The following RIC1 variants were observed in gnomAD, a reference collection of about 807,000 sequenced individuals.
RIC1 encodes the protein RIC1 partner of RAB6A GEF complex.
Under a neutral mutation model 169.0 loss-of-function variants are expected in RIC1, and 88 were observed. The ratio of observed to expected loss-of-function variants is 0.52; its 90% CI spans 0.44 to 0.62. The LOEUF is 0.62. Among genes scored for constraint, RIC1 ranks in the 20% least tolerant of loss-of-function variants. The pLI is 0.00. For missense variants in RIC1, 1,877 were observed against 1,725.5 expected, an observed-to-expected ratio of 1.09 and a Z score of -1.56; for synonymous variants, 790 against 601.5, an observed-to-expected ratio of 1.31 and a Z score of -4.59.
chr9:5,645,530 G>A lies in RIC1; in HGVS notation c.145-11053G>A, dbSNP rs138111471. Reference sequence around the variant, plus strand: ...TTTCATTTTCCCAAACTGAAGCTTCGTACCCTGTAAATGGTAATTCCTGGT... The same window carrying A: ...TTTCATTTTCCCAAACTGAAGCTTCATACCCTGTAAATGGTAATTCCTGGT... On this transcript the variant is annotated intron_variant, in intron 1 of 25. Coordinates refer to ENST00000414202, the MANE Select transcript of RIC1 (RefSeq NM_020829.4). 5.3e-5 allele frequency among the ~76,000 whole-genome samples: 8 copies of A among 152,176 alleles called. No homozygotes were observed. The East Asian group carries it at 1.2e-3, about 22-fold the overall frequency.
chr9:5,766,626 C>T (rs1421907554), intron 21 of RIC1, among the ~76,000 whole-genome samples: 1 of 152,192 alleles, frequency 6.6e-6, no homozygotes, highest in Non-Finnish European at 1.5e-5. Context: ...AGTTACTTCA[C>T]TTAGAATAAT....
intron 2 of RIC1, among the ~76,000 whole-genome samples, chr9:5,659,731 C>T (rs747564243): frequency 5.3e-5 from 8 of 152,130 alleles, no homozygotes; most frequent in Non-Finnish European, 1.0e-4. Context: ...TTTCCTGCTT[C>T]ATTAAATTTA....
chr9:5,680,875 G>T (rs1261811657), intron 2 of RIC1, among the ~76,000 whole-genome samples: 1 of 127,678 alleles, frequency 7.8e-6, no homozygotes, highest in African/African-American at 2.9e-5. Context: ...CGCCCAGGCT[G>T]GAGTGCAGTG....
chr9:5,740,031 G>A (rs1268694088), intron 8 of RIC1, among the ~76,000 whole-genome samples: 1 of 152,192 alleles, frequency 6.6e-6, no homozygotes, highest in Non-Finnish European at 1.5e-5. Context: ...AATCTTAGCA[G>A]TTTTGAGGCT....
chr9:5,670,099 C>G (rs1272801793), intron 2 of RIC1, among the ~76,000 whole-genome samples: 2 of 152,180 alleles, frequency 1.3e-5, no homozygotes, highest in African/African-American at 2.4e-5. Flanking sequence ...GTGCATCTCA[C>G]AAATACAGGA....
chr9:5,634,651 C>G (rs80229351), intron 1 of RIC1, among the ~76,000 whole-genome samples: 4,549 of 152,216 alleles, frequency 0.03, 236 homozygotes, highest in African/African-American at 0.1. Context: ...CAGATATTTT[C>G]TCCTATTCCA....
In RIC1 at chr9:5,753,560, C is replaced by G; in HGVS notation, c.1516C>G (p.Gln506Glu). ...IRFSAIDKLG[Q>E]NIAVVGKFGF... The stretch of plus-strand genomic sequence containing the variant: ...GTTTTCAGCTATTGATAAGCTTGGA[C>G]AGAATATTGCTGTGGTTGGCAAGTT... Residue 506 changes from glutamine (Q) to glutamate (E), a missense_variant, in exon 14 of 26, where the codon CAG (glutamine) becomes GAG (glutamate). Physicochemically the swap from Gln to Glu is conservative, Grantham distance 29 (BLOSUM62 2). Around this residue, in one of 3 missense-constraint regions of RIC1, gnomAD observed 1,104 missense variants for 992.0 expected, o/e 1.11. Transcript: ENST00000414202. 3.7e-6 allele frequency: 6 copies of G among 1,607,340 alleles called. No individual in the cohort carries two copies. Among genetic ancestry groups the G allele is most frequent in the Non-Finnish European group, 4.2e-6 (5 of 1,177,232 alleles).
In RIC1 at chr9:5,721,787, T is replaced by A. The variant is rs184385023; in HGVS notation, c.720+1037T>A. On this transcript the variant is annotated intron_variant, in intron 6 of 25. Transcript: ENST00000414202. ...CTTGTTCTTTACATTTGCTTAATTT[T>A]TGTGTACTTATCTCTTACTCAACCC... Among the ~76,000 whole-genome samples the A allele has an allele frequency of 2.6e-5, 4 of 152,312 alleles. No homozygotes were observed. The East Asian group carries it at 7.7e-4, about 29-fold the overall frequency.
intron 6 of RIC1, among the ~76,000 whole-genome samples, chr9:5,722,892 C>G (rs1823699187): frequency 6.6e-6 from 1 of 152,150 alleles, no homozygotes; most frequent in Admixed American, 6.5e-5. Context: ...TGAACTCATC[C>G]TTTTTTATGG....
chr9:5,713,336 G>C (rs544638672), intron 3 of RIC1: 1 of 152,382 alleles, frequency 6.6e-6, no homozygotes, highest in Non-Finnish European at 1.5e-5. Context: ...CTCTACTGCA[G>C]CTATTTGATG....
intron 1 of RIC1, among the ~76,000 whole-genome samples, chr9:5,649,141 A>G (rs982980142): frequency 6.9e-6 from 1 of 145,034 alleles, no homozygotes; most frequent in African/African-American, 2.8e-5. Flanking sequence ...CTTAAAAAAG[A>G]AAAAAAAAAT....
chr9:5,776,300 T>A lies in RIC1; in HGVS notation c.*2054T>A, dbSNP rs1827581991. 6.6e-6 allele frequency: 1 copy of A among 152,174 alleles called. No homozygotes were observed. Among genetic ancestry groups the A allele is most frequent in the African/African-American group, 2.4e-5 (1 of 41,462 alleles). 9.4% of individuals were successfully genotyped at this position (152,174 alleles called of 1,614,324 possible). A position where few individuals can be genotyped will look rare whatever the true frequency, so the allele number is the denominator to read the frequency against. ...TTTATTTGTTATATACCTTAATTTTTAAAAACCCATTTTTATTGTGGTGTT... is the reference window on the plus strand; with the variant it reads ...TTTATTTGTTATATACCTTAATTTTAAAAAACCCATTTTTATTGTGGTGTT... On this transcript the variant is annotated 3_prime_UTR_variant, in exon 26 of 26. Transcript: ENST00000414202.
Position 5,629,329 on chromosome 9 carries a change from G to A in RIC1, c.20G>A (p.Trp7Ter). ...CGGACCATGTATTTTCTGAGCGGCTGGCCCAAGAGGCTGCTGTGCCCTCTG... is the reference window on the plus strand; with the variant it reads ...CGGACCATGTATTTTCTGAGCGGCTAGCCCAAGAGGCTGCTGTGCCCTCTG... MYFLSG[W>*]PKRLLCPLGS... Residue 7 changes from tryptophan to a stop codon, truncating the protein, a stop_gained, in exon 1 of 26, where the codon TGG (tryptophan) becomes TAG (stop). Coordinates refer to ENST00000414202, the MANE Select transcript of RIC1 (RefSeq NM_020829.4). LOFTEE classifies it high-confidence loss of function. The A allele has an allele frequency of 6.6e-7, 1 of 1,526,132 alleles. No individual in the cohort carries two copies. Among genetic ancestry groups the A allele is most frequent in the East Asian group, 2.5e-5 (1 of 39,582 alleles). 94.5% of individuals were successfully genotyped at this position (1,526,132 alleles called of 1,614,324 possible).
intron 6 of RIC1, among the ~76,000 whole-genome samples, chr9:5,730,782 A>T (rs1391926061): frequency 1.3e-5 from 2 of 152,166 alleles, no homozygotes; most frequent in African/African-American, 4.8e-5. Flanking sequence ...AGTTTAAAAA[A>T]TTTGAATATT....
chr9:5,702,241 C>T (rs1382021440), intron 3 of RIC1, among the ~76,000 whole-genome samples: 1 of 152,174 alleles, frequency 6.6e-6, no homozygotes, highest in Admixed American at 6.5e-5. Context: ...TTGAGGAATT[C>T]TTTGTAAAGA....
At chr9:5,686,824 T>C (rs918323828) in intron 2 of RIC1, among the ~76,000 whole-genome samples, 1 of 152,190 alleles carries the variant, frequency 6.6e-6, no homozygotes, top group Non-Finnish European at 1.5e-5. Flanking sequence ...CCTGTAGTTA[T>C]AATGTCTTTG....
In RIC1 at chr9:5,774,582, A is replaced by C; in HGVS notation, c.*336A>C. On this transcript the variant is annotated 3_prime_UTR_variant, in exon 26 of 26. Transcript: ENST00000414202. ...GTGAGCTTACTTTTTCACTACTTAC[A>C]TCTTCTCACATTTCCCGGTTCTGCA... 5.3e-6 allele frequency: 1 copy of C among 187,194 alleles called. No individual in the cohort carries two copies. Among genetic ancestry groups the C allele is most frequent in the Non-Finnish European group, 1.1e-5 (1 of 90,384 alleles). The allele number at this position is 187,194 out of a possible 1,614,324, so 11.6% of individuals were successfully genotyped here.
At chr9:5,634,576 G>C (rs1817879329) in intron 1 of RIC1, among the ~76,000 whole-genome samples, 2 of 151,736 alleles carry the variant, frequency 1.3e-5, no homozygotes, top group South Asian at 4.2e-4. Flanking sequence ...TTTTTTTCTC[G>C]GTACTGAGTT....
At position 5,720,630 on chromosome 9, in the gene RIC1, C is replaced by T. The variant is rs775557118; in HGVS notation, c.600C>T (p.Gly200=). Residue 200 remains glycine, a synonymous_variant, in exon 6 of 26, where the codon GGC becomes GGT. Transcript: ENST00000414202. ...LQSSRVGSFL[G]FTDVHIRDME... ...TTTCATCAGTAGGTTCATTCCTGGGCTTCACAGACGTACACATCAGAGACA... is the reference window on the plus strand; with the variant it reads ...TTTCATCAGTAGGTTCATTCCTGGGTTTCACAGACGTACACATCAGAGACA... 3.8e-6 allele frequency: 6 copies of T among 1,599,306 alleles called. No homozygotes were observed. The South Asian group carries it at 5.7e-5, about 15-fold the overall frequency.
Sources: gnomAD v4.1 joint callset for allele counts (sites outside exome capture counted in the v4.1 genomes callset) on GRCh38, gnomAD v4.1.1 for gene constraint, gnomAD v4.1.1 regional missense constraint, MANE v1.5 for transcripts, NCBI Gene and HGNC (gene_info 2026-07-23, HGNC 2026-07-21) for gene names.